The following MRPS35 variants were observed in gnomAD, a reference collection of about 807,000 sequenced individuals.
The protein encoded by MRPS35 is small ribosomal subunit protein mS35.
Under a neutral mutation model 32.7 loss-of-function variants are expected in MRPS35, and 29 were observed. The observed-to-expected ratio is 0.89, with a 90% CI of 0.66 to 1.21. The LOEUF (loss-of-function observed/expected upper bound fraction) is 1.21. MRPS35 is among the 50% of genes most tolerant of loss of function. MRPS35 has a pLI of 0.00. For synonymous variants in MRPS35, 148 were observed against 139.3 expected, an observed-to-expected ratio of 1.06 and a Z score of -0.44; for missense variants, 373 against 383.8, an observed-to-expected ratio of 0.97 and a Z score of 0.23.
chr12:27,735,837 AGT>A (rs1230340081), intron 6 of MRPS35, among the ~76,000 whole-genome samples: 1 of 152,228 alleles, frequency 6.6e-6, no homozygotes, highest in Admixed American at 6.5e-5. Context: ...AGAAGAAAAA[AGT>A]GTGGTTTGCT....
At chr12:27,754,654 C>G (rs968048934) in intron 7 of MRPS35, among the ~76,000 whole-genome samples, 1 of 151,114 alleles carries the variant, frequency 6.6e-6, no homozygotes, top group East Asian at 1.9e-4. Flanking sequence ...GTAGTCCCAG[C>G]TACTCAGGAG....
chr12:27,725,798 C>CAT (rs2061897372), intron 5 of MRPS35: 1 of 68,242 alleles, frequency 1.5e-5, no homozygotes, highest in Non-Finnish European at 2.4e-5. Context: ...CCTTGTATAC[C>CAT]TTTTTTTTTT....
At chr12:27,726,582 A>G (rs1243069473) in intron 5 of MRPS35, among the ~76,000 whole-genome samples, 16 of 152,126 alleles carry the variant, frequency 1.1e-4, no homozygotes, top group Admixed American at 1.0e-3. Context: ...TTTGAAAAAC[A>G]ATTTCAAAGT....
At chr12:27,726,036 C>G (rs2061899002) in intron 5 of MRPS35, among the ~76,000 whole-genome samples, 1 of 151,266 alleles carries the variant, frequency 6.6e-6, no homozygotes, top group African/African-American at 2.5e-5. Context: ...TCTCAAATTC[C>G]TGGACTCAGG....
intron 4 of MRPS35, among the ~76,000 whole-genome samples, chr12:27,720,364 AG>A (rs2061868530): frequency 6.6e-6 from 1 of 151,062 alleles, no homozygotes; most frequent in African/African-American, 2.4e-5. Context: ...ATTGCACTCC[AG>A]CCTGGGCAAC....
At chr12:27,754,358 T>C (rs1311754099) in intron 7 of MRPS35, among the ~76,000 whole-genome samples, 1 of 152,158 alleles carries the variant, frequency 6.6e-6, no homozygotes, top group African/African-American at 2.4e-5. Context: ...TTAATTAGTC[T>C]TCCTCATCAT....
intron 1 of MRPS35, among the ~76,000 whole-genome samples, chr12:27,712,982 C>G (rs1400493398): frequency 1.3e-5 from 2 of 152,212 alleles, no homozygotes; most frequent in Non-Finnish European, 2.9e-5. Flanking sequence ...CACCACTGCC[C>G]TCCGGCCTGG....
In MRPS35 at chr12:27,737,554, G is replaced by T; in HGVS notation, c.648G>T (p.Arg216Ser). The change falls in exon 7 of 8, where the codon AGG becomes AGT. Residue 216 changes from arginine to serine, a missense_variant. Coordinates refer to ENST00000081029, the MANE Select transcript of MRPS35 (RefSeq NM_021821.4). Reference protein sequence around the residue: ...TIKTDRCPLRRQNYDYAVYLL... With the variant: ...TIKTDRCPLRSQNYDYAVYLL... ...TCTTTAATAGGTGCCCTTTAAGGAGGCAGAATTACGATTATGCAGTGTATC... is the reference window on the plus strand; with the variant it reads ...TCTTTAATAGGTGCCCTTTAAGGAGTCAGAATTACGATTATGCAGTGTATC... 1 of 1,612,366 alleles carries T rather than the reference G, an allele frequency of 6.2e-7. No individual in the cohort carries two copies. Among genetic ancestry groups the T allele is most frequent in the Admixed American group, 1.7e-5 (1 of 59,972 alleles).
intron 5 of MRPS35, among the ~76,000 whole-genome samples, chr12:27,730,952 T>C (rs2061920012): frequency 6.6e-6 from 1 of 152,230 alleles, no homozygotes; most frequent in African/African-American, 2.4e-5. Context: ...GAGAAAGAAG[T>C]ATCACATAAA....
At chr12:27,720,014 C>T in intron 4 of MRPS35, 146 bp downstream of exon 4, 1 of 610,254 alleles carries the variant, frequency 1.6e-6, no homozygotes, top group Admixed American at 2.9e-5. Flanking sequence ...TTTTGCTAAC[C>T]ACTACAAGGT....
intron 6 of MRPS35, among the ~76,000 whole-genome samples, chr12:27,736,752 T>C (rs1329636448): frequency 1.3e-5 from 2 of 152,228 alleles, no homozygotes; most frequent in South Asian, 2.1e-4. Context: ...TTTTAAGTTA[T>C]TAGTTCCATT....
At chr12:27,734,447 G>A (rs2061935163) in intron 5 of MRPS35, among the ~76,000 whole-genome samples, 2 of 151,972 alleles carry the variant, frequency 1.3e-5, no homozygotes, top group Admixed American at 6.6e-5. Context: ...CTCCGTGTTG[G>A]TCAGGCTGGT....
intron 7 of MRPS35, among the ~76,000 whole-genome samples, chr12:27,742,000 T>C (rs1337860138): frequency 6.6e-6 from 1 of 152,216 alleles, no homozygotes; most frequent in Non-Finnish European, 1.5e-5. Flanking sequence ...CAGTGTTGCA[T>C]TCCTGTAGTC....
chr12:27,742,754 A>T (rs1294163889), intron 7 of MRPS35, among the ~76,000 whole-genome samples: 1 of 152,236 alleles, frequency 6.6e-6, no homozygotes, highest in Non-Finnish European at 1.5e-5. Flanking sequence ...TTGAGCTGAT[A>T]CAGTATTTTA....
At chr12:27,733,218 A>G (rs2061929776) in intron 5 of MRPS35, among the ~76,000 whole-genome samples, 1 of 152,148 alleles carries the variant, frequency 6.6e-6, no homozygotes, top group South Asian at 2.1e-4. Context: ...ATTAAAGACT[A>G]CAATGTTGCA....
chr12:27,731,974 T>G (rs1470296079), intron 5 of MRPS35, among the ~76,000 whole-genome samples: 2 of 152,168 alleles, frequency 1.3e-5, no homozygotes, highest in Non-Finnish European at 2.9e-5. Context: ...GAAGCTGTTT[T>G]TAAATCACAA....
At chr12:27,724,026 A>T in intron 4 of MRPS35, 21 bp from the exon 5 acceptor site, 1 of 1,606,400 alleles carries the variant, frequency 6.2e-7, no homozygotes, top group South Asian at 1.1e-5. Context: ...GTGTAATTGA[A>T]ATTATTTCTT....
intron 1 of MRPS35, among the ~76,000 whole-genome samples, chr12:27,713,346 G>A (rs980580189): frequency 2.2e-4 from 34 of 152,278 alleles, no homozygotes; most frequent in African/African-American, 7.7e-4. Flanking sequence ...ACATATGATG[G>A]GATTTTTTAG....
intron 7 of MRPS35, 84 bp from the exon 8 acceptor site, chr12:27,755,097 A>G: frequency 2.2e-6 from 3 of 1,383,344 alleles, no homozygotes; most frequent in Admixed American, 2.6e-5. Flanking sequence ...AAAAAAAAAA[A>G]GAAGAAAGAA....
Sources: gnomAD v4.1 joint callset for allele counts (sites outside exome capture counted in the v4.1 genomes callset) on GRCh38, gnomAD v4.1.1 for gene constraint, MANE v1.5 for transcripts, NCBI Gene and HGNC (gene_info 2026-07-23, HGNC 2026-07-21) for gene names.